Variants in OXR1 observed in about 807,000 individuals in gnomAD.
OXR1 encodes oxidation resistance 1.
A neutral mutation model predicts 104.6 loss-of-function variants in OXR1; 41 were observed. The ratio of observed to expected loss-of-function variants is 0.39; its 90% CI spans 0.31 to 0.51. The LOEUF is 0.51. OXR1 is among the 20% of genes least tolerant of loss of function. The probability of loss-of-function intolerance (pLI) is 0.77; values close to 1 mark genes in which losing one functional copy is unlikely to be tolerated. For missense variants in OXR1, 955 were observed against 1,031.9 expected (o/e 0.93, Z 1.02); for synonymous variants, 348 against 348.4 (o/e 1.00, Z 0.01).
At chr8:106,646,739 A>G (rs999663296) in intron 3 of OXR1, among the ~76,000 whole-genome samples, 2 of 152,234 alleles carry the variant, frequency 1.3e-5, no homozygotes, top group Admixed American at 1.3e-4. Context: ...CACACTCTCT[A>G]CTGCAACCTC....
At chr8:106,495,394 G>A (rs1396278502) in intron 2 of OXR1, among the ~76,000 whole-genome samples, 1 of 152,020 alleles carries the variant, frequency 6.6e-6, no homozygotes, top group Non-Finnish European at 1.5e-5. Context: ...GGAGAAGAGG[G>A]TATTCCGTGT....
intron 11 of OXR1, among the ~76,000 whole-genome samples, chr8:106,721,233 G>A (rs1215176334): frequency 6.6e-6 from 1 of 151,882 alleles, no homozygotes; most frequent in Non-Finnish European, 1.5e-5. Context: ...TGGGATAAAA[G>A]CTGGCAGAGA....
chr8:106,547,795 A>C (rs1815490928), intron 3 of OXR1, among the ~76,000 whole-genome samples: 1 of 151,848 alleles, frequency 6.6e-6, no homozygotes. Context: ...GAGCCACTGC[A>C]CCTGGCCAGA....
chr8:106,503,240 T>A (rs530850078), intron 2 of OXR1, among the ~76,000 whole-genome samples: 1 of 152,230 alleles, frequency 6.6e-6, no homozygotes, highest in East Asian at 1.9e-4. Flanking sequence ...AGAACAATAA[T>A]GACCGTAAGA....
At chr8:106,437,101 C>A (rs1186252277) in intron 2 of OXR1, among the ~76,000 whole-genome samples, 11 of 152,136 alleles carry the variant, frequency 7.2e-5, no homozygotes, top group African/African-American at 2.7e-4. Context: ...TTCTCTTACC[C>A]TTTATGCTGT....
chr8:106,484,372 A>T (rs1822319659), intron 2 of OXR1, among the ~76,000 whole-genome samples: 1 of 152,114 alleles, frequency 6.6e-6, no homozygotes, highest in African/African-American at 2.4e-5. Context: ...ATTGATCATT[A>T]CACATTGTAT....
At chr8:106,689,074 A>G (rs981098718) in intron 6 of OXR1, among the ~76,000 whole-genome samples, 4 of 152,134 alleles carry the variant, frequency 2.6e-5, no homozygotes. Context: ...TTATCATAAC[A>G]AAGGGTGACA....
intron 2 of OXR1, among the ~76,000 whole-genome samples, chr8:106,474,363 G>A (rs1193719659): frequency 2.0e-5 from 3 of 151,686 alleles, no homozygotes; most frequent in South Asian, 2.1e-4. Context: ...AGATTACAGT[G>A]TTTTGGGATA....
chr8:106,672,067 G>A (rs1827058661), intron 3 of OXR1, among the ~76,000 whole-genome samples: 1 of 150,654 alleles, frequency 6.6e-6, no homozygotes, highest in South Asian at 2.1e-4. Context: ...TAAAAGAATT[G>A]TTTAAAAAAA....
At position 106,679,591 on chromosome 8, in the gene OXR1, T is replaced by G. The variant is rs530167240; in HGVS notation, c.303+299T>G. ...GTTAGGCTTTTAGGAAAATTTTTAGTTCTTTAGAAATGTGATCTTCATTAT... is the reference window on the plus strand; with the variant it reads ...GTTAGGCTTTTAGGAAAATTTTTAGGTCTTTAGAAATGTGATCTTCATTAT... On this transcript the variant is annotated intron_variant, in intron 4 of 16. Coordinates refer to ENST00000517566, the MANE Select transcript of OXR1 (RefSeq NM_001198533.2). Among the ~76,000 whole-genome samples, 218 of 152,152 alleles carry G rather than the reference T, an allele frequency of 1.4e-3. 1 individual carries two copies. Among genetic ancestry groups the G allele is most frequent in the Middle Eastern group, 3.4e-3 (1 of 294 alleles).
intron 3 of OXR1, among the ~76,000 whole-genome samples, chr8:106,601,228 C>T (rs1485242232): frequency 1.3e-5 from 2 of 152,134 alleles, no homozygotes; most frequent in Admixed American, 1.3e-4. Context: ...TGCAAGAGAC[C>T]ATTACCCAGA....
intron 3 of OXR1, among the ~76,000 whole-genome samples, chr8:106,611,771 C>A (rs1383972767): frequency 2.0e-5 from 3 of 152,084 alleles, no homozygotes; most frequent in Non-Finnish European, 4.4e-5. Flanking sequence ...GATGGAGAGT[C>A]CTGTTGCCTG....
At chr8:106,608,013 G>A (rs751703721) in intron 3 of OXR1, among the ~76,000 whole-genome samples, 1 of 152,142 alleles carries the variant, frequency 6.6e-6, no homozygotes, top group Admixed American at 6.6e-5. Flanking sequence ...TGGGCACTGT[G>A]GCTCATTGCT....
Position 106,548,290 on chromosome 8 carries a change from T to C in OXR1, c.220+29151T>C, listed in dbSNP as rs189715963. Among the ~76,000 whole-genome samples the C allele has an allele frequency of 2.0e-5, 3 of 152,318 alleles. No homozygotes were observed. The East Asian group carries it at 5.8e-4, about 29-fold the overall frequency. The stretch of plus-strand genomic sequence containing the variant: ...CTAGACTCAGATTCATGGGATTTAC[T>C]CTAGGTTAAACGACTACTTAACATC... On this transcript the variant is annotated intron_variant, in intron 3 of 16. Transcript: ENST00000517566.
At chr8:106,524,307 G>A (rs1813489165) in intron 3 of OXR1, among the ~76,000 whole-genome samples, 1 of 152,172 alleles carries the variant, frequency 6.6e-6, no homozygotes, top group South Asian at 2.1e-4. Flanking sequence ...AAGCATGGAG[G>A]TAGTAAAGAA....
At chr8:106,514,022 A>T (rs1450950041) in intron 2 of OXR1, among the ~76,000 whole-genome samples, 1 of 152,176 alleles carries the variant, frequency 6.6e-6, no homozygotes, top group Non-Finnish European at 1.5e-5. Context: ...TATAGGAGCC[A>T]TGCCAAGAGA....
chr8:106,607,019 C>T (rs192463249), intron 3 of OXR1, among the ~76,000 whole-genome samples: 11 of 152,052 alleles, frequency 7.2e-5, no homozygotes, highest in Admixed American at 2.0e-4. Flanking sequence ...TTCATTTCAA[C>T]ACCTTTCACA....
Position 106,385,032 on chromosome 8 carries a change from C to T in OXR1, c.23+25396C>T, listed in dbSNP as rs554422632. ...TCCTGGCCTGTCTTAAAATTCTTAACTTAAAATAATATTAAAGAGCATTTT... is the reference window on the plus strand; with the variant it reads ...TCCTGGCCTGTCTTAAAATTCTTAATTTAAAATAATATTAAAGAGCATTTT... On this transcript the variant is annotated intron_variant, in intron 2 of 16. Coordinates refer to ENST00000517566, the MANE Select transcript of OXR1 (RefSeq NM_001198533.2). Among the ~76,000 whole-genome samples, 5 of 152,256 alleles carry T rather than the reference C, an allele frequency of 3.3e-5. No individual in the cohort carries two copies. The East Asian group carries it at 7.7e-4, about 23-fold the overall frequency.
intron 2 of OXR1, among the ~76,000 whole-genome samples, chr8:106,409,797 C>T (rs1323551062): frequency 6.6e-6 from 1 of 152,078 alleles, no homozygotes; most frequent in Admixed American, 6.6e-5. Flanking sequence ...AAAATAAGTA[C>T]ATATGGCCTT....
Sources: gnomAD v4.1 joint callset for allele counts (sites outside exome capture counted in the v4.1 genomes callset) on GRCh38, gnomAD v4.1.1 for gene constraint, MANE v1.5 for transcripts, NCBI Gene and HGNC (gene_info 2026-07-23, HGNC 2026-07-21) for gene names.